Variants in CHODL observed in about 807,000 individuals in gnomAD.
CHODL encodes the protein transmembrane protein MT75.
In CHODL, 29 loss-of-function variants were observed where a neutral mutation model predicts 34.5. That is an observed-to-expected ratio of 0.84 (90% confidence interval 0.63 to 1.15). The LOEUF (loss-of-function observed/expected upper bound fraction) is 1.15, where lower values mean the gene tolerates loss of function less well. Among genes scored for constraint, CHODL ranks in the 50% most tolerant of loss-of-function variants. The pLI is 0.00. For missense variants in CHODL, 332 were observed against 332.5 expected, an observed-to-expected ratio of 1.00 and a Z score of 0.01; for synonymous variants, 125 against 116.1, an observed-to-expected ratio of 1.08 and a Z score of -0.49.
intron 1 of CHODL, among the ~76,000 whole-genome samples, chr21:18,024,167 T>G (rs1212091952): frequency 6.6e-6 from 1 of 152,244 alleles, no homozygotes; most frequent in Non-Finnish European, 1.5e-5. Flanking sequence ...TCTTTTTTAA[T>G]TAACTTAGTT....
chr21:18,118,685 A>G (rs1024697162), intron 2 of CHODL, among the ~76,000 whole-genome samples: 1 of 152,166 alleles, frequency 6.6e-6, no homozygotes, highest in Non-Finnish European at 1.5e-5. Context: ...GCCAGCTTCT[A>G]AGGCCACTCA....
chr21:18,194,460 G>A (rs753034095), intron 2 of CHODL, among the ~76,000 whole-genome samples: 4 of 151,978 alleles, frequency 2.6e-5, no homozygotes, highest in Non-Finnish European at 5.9e-5. Flanking sequence ...CATTTTCCTC[G>A]AGATGTCTCG....
intron 2 of CHODL, among the ~76,000 whole-genome samples, chr21:18,174,161 A>ATATATATATATATATATATAT (rs2073276201): frequency 5.8e-5 from 5 of 85,664 alleles, no homozygotes; most frequent in Admixed American, 1.2e-4. Flanking sequence ...ATATATATAT[A>ATATATATATATATATATATAT]AAATCAAGTC....
At chr21:18,133,314 T>C (rs2072680386) in intron 2 of CHODL, among the ~76,000 whole-genome samples, 1 of 152,194 alleles carries the variant, frequency 6.6e-6, no homozygotes, top group Non-Finnish European at 1.5e-5. Context: ...TATATAATTA[T>C]GTAACTTAAG....
At chr21:18,023,749 A>C (rs1408751852) in intron 1 of CHODL, among the ~76,000 whole-genome samples, 1 of 152,174 alleles carries the variant, frequency 6.6e-6, no homozygotes, top group African/African-American at 2.4e-5. Flanking sequence ...TGACCTTAAT[A>C]TTTTTGATCT....
intron 1 of CHODL, among the ~76,000 whole-genome samples, chr21:17,944,354 A>G (rs1229130013): frequency 6.6e-6 from 1 of 152,158 alleles, no homozygotes; most frequent in East Asian, 1.9e-4. Flanking sequence ...AAATCGACCC[A>G]ACAATCCTGC....
intron 2 of CHODL, among the ~76,000 whole-genome samples, chr21:18,168,536 A>T (rs556955717): frequency 1.3e-5 from 2 of 152,306 alleles, no homozygotes; most frequent in South Asian, 4.1e-4. Context: ...GATATTAGAC[A>T]TCTTATCTTG....
chr21:18,216,418 T>C (rs1033346902), intron 2 of CHODL, among the ~76,000 whole-genome samples: 9 of 152,000 alleles, frequency 5.9e-5, no homozygotes, highest in Admixed American at 4.6e-4. Context: ...TTAACAAGCC[T>C]CTCTTCATTT....
chr21:18,210,464 C>G (rs1601152115), intron 2 of CHODL, among the ~76,000 whole-genome samples: 1 of 152,144 alleles, frequency 6.6e-6, no homozygotes. Flanking sequence ...GATTGCTCAC[C>G]TAGCTTGGTT....
chr21:18,032,006 C>T (rs1286382272), intron 2 of CHODL, among the ~76,000 whole-genome samples: 4 of 152,032 alleles, frequency 2.6e-5, no homozygotes, highest in Admixed American at 2.6e-4. Flanking sequence ...AATGCTACTG[C>T]AGATTACCAG....
chr21:18,099,653 C>A (rs1329209213), intron 2 of CHODL, among the ~76,000 whole-genome samples: 1 of 151,966 alleles, frequency 6.6e-6, no homozygotes, highest in African/African-American at 2.4e-5. Flanking sequence ...AGCCAAGCAA[C>A]AATTTTTAAA....
At chr21:18,223,171 A>G (rs755963956) in intron 2 of CHODL, among the ~76,000 whole-genome samples, 4 of 152,212 alleles carry the variant, frequency 2.6e-5, no homozygotes, top group Non-Finnish European at 5.9e-5. Flanking sequence ...AGTAAAAGTC[A>G]TGGAAATTTA....
rs763638020 is a variant in CHODL at position 17,951,817 on chromosome 21, A to G, written c.-145+34417A>G. Among the ~76,000 whole-genome samples, 8 of 152,360 alleles carry G rather than the reference A, an allele frequency of 5.3e-5. No individual in the cohort carries two copies. In the South Asian group the frequency reaches 1.4e-3, roughly 28 times the overall value. Reference sequence around the variant, plus strand: ...GAGAGAAATAAATTGATCAAATTGAACAGAGCCTCAATGAGCTGTGGGAAG... The same window carrying G: ...GAGAGAAATAAATTGATCAAATTGAGCAGAGCCTCAATGAGCTGTGGGAAG... On this transcript the variant is annotated intron_variant, in intron 1 of 6. Coordinates refer to the CHODL transcript ENST00000400127.
chr21:18,010,228 T>C (rs932492436), intron 1 of CHODL, among the ~76,000 whole-genome samples: 254 of 94,838 alleles, frequency 2.7e-3, no homozygotes, highest in African/African-American at 1.0e-2. Context: ...ACCCGGGAGG[T>C]GGAGCTTGCA....
chr21:18,202,792 T>C (rs2073669052), intron 2 of CHODL, among the ~76,000 whole-genome samples: 1 of 152,210 alleles, frequency 6.6e-6, no homozygotes. Context: ...CATTTGGTTT[T>C]TAATACAGTG....
chr21:17,962,626 G>T (rs1477766636), intron 1 of CHODL, among the ~76,000 whole-genome samples: 1 of 152,144 alleles, frequency 6.6e-6, no homozygotes, highest in Non-Finnish European at 1.5e-5. Context: ...CCATTAAAAA[G>T]ATACTTTTAG....
rs200120318 is a variant in CHODL, at chr21:17,950,497, AACACACAC to A, written c.-145+33128_-145+33135del. ...TCATAACAAGAAATCCTAGATACAC[AACACACAC>A]ACACACACACACACACACACACACA... On this transcript the variant is annotated intron_variant, in intron 1 of 6. Transcript: ENST00000400127. Among the ~76,000 whole-genome samples the A allele has an allele frequency of 2.5e-3, 330 of 130,390 alleles. 7 individuals carry two copies. The South Asian group carries it at 0.05, about 20-fold the overall frequency. The allele number at this position is 130,390 out of a possible 152,430, so 85.5% of individuals were successfully genotyped here.
intron 2 of CHODL, among the ~76,000 whole-genome samples, chr21:18,063,285 A>G (rs1359587233): frequency 6.6e-6 from 1 of 152,214 alleles, no homozygotes; most frequent in African/African-American, 2.4e-5. Flanking sequence ...AAATGGCAGA[A>G]AATGCTGGAA....
intron 1 of CHODL, among the ~76,000 whole-genome samples, chr21:17,952,549 C>T (rs758774751): frequency 3.3e-5 from 5 of 151,792 alleles, no homozygotes; most frequent in Non-Finnish European, 7.4e-5. Context: ...AATATATTGC[C>T]AATAGAACTG....
Sources: allele counts gnomAD v4.1 joint callset (sites outside exome capture counted in the v4.1 genomes callset), GRCh38; gene constraint gnomAD v4.1.1; transcripts MANE v1.5; gene names NCBI Gene and HGNC (gene_info 2026-07-23, HGNC 2026-07-21).